HIF1A: variants seen among roughly 807,000 people sequenced by gnomAD.
HIF1A encodes the protein hypoxia-inducible factor 1-alpha.
In HIF1A, 24 loss-of-function variants were observed where a neutral mutation model predicts 92.7. That is an observed-to-expected ratio of 0.26 (90% CI 0.19 to 0.36). HIF1A has a LOEUF of 0.36. HIF1A is among the 10% of genes least tolerant of loss of function. HIF1A has a pLI of 1.00. For synonymous variants in HIF1A, 319 were observed against 338.7 expected (o/e 0.94, Z 0.64); for missense variants, 799 against 998.5 (o/e 0.80, Z 2.69).
chr14:61,734,961 C>T (rs2044618626), intron 8 of HIF1A, among the ~76,000 whole-genome samples: 1 of 152,182 alleles, frequency 6.6e-6, no homozygotes, highest in Admixed American at 6.5e-5. Flanking sequence ...TGATGTAATA[C>T]ATGGCTCTTG....
chr14:61,727,964 G>A (rs1477998257), intron 6 of HIF1A, among the ~76,000 whole-genome samples: 1 of 150,532 alleles, frequency 6.6e-6, no homozygotes, highest in South Asian at 2.1e-4. Context: ...GTTGTGGTGA[G>A]CTGAGCTCAC....
chr14:61,711,182 AGAT>A (rs2044302871), intron 1 of HIF1A, among the ~76,000 whole-genome samples: 3 of 151,560 alleles, frequency 2.0e-5, no homozygotes, highest in Admixed American at 6.6e-5. Context: ...GAAAACATAA[AGAT>A]GATAAAGATG....
At chr14:61,722,434 T>A (rs1280280513) in intron 4 of HIF1A, among the ~76,000 whole-genome samples, 1 of 152,124 alleles carries the variant, frequency 6.6e-6, no homozygotes, top group Non-Finnish European at 1.5e-5. Context: ...GGGTTCTTGC[T>A]GTATTGCCCA....
Position 61,695,551 on chromosome 14 carries a change from C to A in HIF1A, c.-254C>A. ...GCCTCGTCTGAGGGGACAGGAGGAT[C>A]ACCCTCTTCGTCGCTTCGGCCAGTG... is the stretch of plus-strand genomic sequence containing the variant. On this transcript the variant is annotated 5_prime_UTR_variant, in exon 1 of 15. Coordinates refer to ENST00000337138, the MANE Select transcript of HIF1A (RefSeq NM_001530.4). The A allele has an allele frequency of 3.5e-6, 2 of 573,436 alleles. No homozygotes were observed. Among genetic ancestry groups the A allele is most frequent in the Non-Finnish European group, 6.2e-6 (2 of 323,742 alleles). The allele number at this position is 573,436 out of a possible 1,614,324, so 35.5% of individuals were successfully genotyped here.
intron 2 of HIF1A, among the ~76,000 whole-genome samples, chr14:61,720,900 T>C (rs2044418450): frequency 6.6e-6 from 1 of 152,176 alleles, no homozygotes; most frequent in Non-Finnish European, 1.5e-5. Flanking sequence ...TACTGGCTTT[T>C]CCCCTCCCCC....
rs537001790 is a variant in HIF1A at position 61,743,346 on chromosome 14, C to T, written c.2094-1359C>T. 2.0e-3 allele frequency among the ~76,000 whole-genome samples: 308 copies of T among 152,276 alleles called. 1 individual carries two copies. The highest frequency in any genetic ancestry group is 2.5e-3 in the Non-Finnish European group (168 of 68,016). The stretch of plus-strand genomic sequence containing the variant: ...TCAGCCTCCCAAAGTGCTGGGATGA[C>T]AGTTGTGAGCCACTGTGCCCAGCTA... On this transcript the variant is annotated intron_variant, in intron 12 of 14. Transcript: ENST00000337138.
intron 1 of HIF1A, among the ~76,000 whole-genome samples, chr14:61,714,893 G>A (rs1238078503): frequency 6.6e-6 from 1 of 152,120 alleles, no homozygotes; most frequent in Non-Finnish European, 1.5e-5. Flanking sequence ...AATTAGCTGG[G>A]CGTGGTGGCA....
intron 4 of HIF1A, among the ~76,000 whole-genome samples, chr14:61,726,151 CTGT>C (rs931146298): frequency 5.3e-5 from 8 of 151,862 alleles, no homozygotes; most frequent in African/African-American, 1.7e-4. Flanking sequence ...GTCATTTGAT[CTGT>C]TGTTGTTGTT....
At chr14:61,730,690 A>T (rs776529313) in intron 6 of HIF1A, among the ~76,000 whole-genome samples, 1 of 152,152 alleles carries the variant, frequency 6.6e-6, no homozygotes, top group African/African-American at 2.4e-5. Flanking sequence ...TCATCACTGC[A>T]TTTATCACAT....
intron 1 of HIF1A, chr14:61,716,854 A>G (rs1237137882): frequency 6.6e-6 from 1 of 152,178 alleles, no homozygotes; most frequent in East Asian, 1.9e-4. Context: ...AAAAACTACA[A>G]TACCACAAAG....
intron 1 of HIF1A, among the ~76,000 whole-genome samples, chr14:61,710,551 T>C (rs2044294888): frequency 1.3e-5 from 2 of 152,212 alleles, no homozygotes; most frequent in Non-Finnish European, 2.9e-5. Context: ...AATAGATTGC[T>C]AGCTGTCTTG....
chr14:61,738,945 CTCACT>C (rs1270194620), intron 10 of HIF1A, among the ~76,000 whole-genome samples: 2 of 151,896 alleles, frequency 1.3e-5, no homozygotes, highest in Non-Finnish European at 2.9e-5. Context: ...AGTTGGGGTT[CTCACT>C]ATGTTGCTCA....
intron 1 of HIF1A, among the ~76,000 whole-genome samples, chr14:61,718,581 G>C (rs893231530): frequency 6.6e-6 from 1 of 152,004 alleles, no homozygotes; most frequent in Non-Finnish European, 1.5e-5. Flanking sequence ...CAAGTCTTAC[G>C]TTTTATTTTT....
At chr14:61,710,382 G>C (rs2044293079) in intron 1 of HIF1A, among the ~76,000 whole-genome samples, 1 of 152,088 alleles carries the variant, frequency 6.6e-6, no homozygotes, top group Non-Finnish European at 1.5e-5. Context: ...TTTGTTTATT[G>C]CACCGTGTCC....
intron 1 of HIF1A, among the ~76,000 whole-genome samples, chr14:61,719,244 C>G (rs572030237): frequency 6.6e-6 from 1 of 152,264 alleles, no homozygotes; most frequent in South Asian, 2.1e-4. Context: ...CTGTTTTTAA[C>G]ATTTGGTGAA....
At chr14:61,703,760 A>G (rs2044204375) in intron 1 of HIF1A, among the ~76,000 whole-genome samples, 1 of 152,090 alleles carries the variant, frequency 6.6e-6, no homozygotes. Context: ...TTATTGTAGC[A>G]TATTTGATGG....
chr14:61,710,042 A>G (rs531629998), intron 1 of HIF1A, among the ~76,000 whole-genome samples: 1 of 152,196 alleles, frequency 6.6e-6, no homozygotes, highest in Admixed American at 6.5e-5. Context: ...CTGTGCATCT[A>G]TGAGTTATAT....
intron 14 of HIF1A, among the ~76,000 whole-genome samples, chr14:61,746,642 G>A (rs1566580432): frequency 6.6e-6 from 1 of 152,052 alleles, no homozygotes; most frequent in Non-Finnish European, 1.5e-5. Context: ...TGATCCTCCT[G>A]CCTCAGCCTG....
At chr14:61,731,003 T>TCC (rs2044569236) in intron 6 of HIF1A, among the ~76,000 whole-genome samples, 1 of 152,156 alleles carries the variant, frequency 6.6e-6, no homozygotes, top group Non-Finnish European at 1.5e-5. Flanking sequence ...AATTGAGGGT[T>TCC]TGAGTTGAGT....
Sources: gnomAD v4.1 joint callset for allele counts (sites outside exome capture counted in the v4.1 genomes callset) on GRCh38, gnomAD v4.1.1 for gene constraint, MANE v1.5 for transcripts, NCBI Gene and HGNC (gene_info 2026-07-23, HGNC 2026-07-21) for gene names.